The following ACBD6 variants were observed in gnomAD, a reference collection of about 807,000 sequenced individuals.
ACBD6 encodes the protein acyl-CoA-binding domain-containing protein 6.
A neutral mutation model predicts 37.2 loss-of-function variants in ACBD6; 28 were observed. The observed-to-expected ratio is 0.75, with a 90% confidence interval of 0.56 to 1.03. ACBD6 has a LOEUF of 1.03. Among genes scored for constraint, ACBD6 ranks in the 50% least tolerant of loss-of-function variants. ACBD6 has a pLI of 0.00. For missense variants in ACBD6, 340 were observed against 337.4 expected (o/e 1.01, Z -0.06); for synonymous variants, 113 against 126.8 (o/e 0.89, Z 0.73).
Position 180,442,236 on chromosome 1 carries a change from G to A in ACBD6, c.385-11974C>T, listed in dbSNP as rs1373598654. 4.6e-5 allele frequency among the ~76,000 whole-genome samples: 7 copies of A among 150,910 alleles called. No homozygotes were observed. In the East Asian group the frequency reaches 1.4e-3, roughly 29 times the overall value. The stretch of plus-strand genomic sequence containing the variant: ...TTTCATTACATTTCTTCCGCATGGG[G>A]TTCATTGAGCTTCTTGGATCTATGG... On this transcript the variant is annotated intron_variant, in intron 3 of 7. Transcript: ENST00000367595.
intron 2 of ACBD6, among the ~76,000 whole-genome samples, chr1:180,493,207 C>CA (rs751159576): frequency 7.4e-6 from 1 of 134,656 alleles, no homozygotes; most frequent in Non-Finnish European, 1.5e-5. Context: ...GAGATGGCAC[C>CA]ACCACACTCC....
chr1:180,417,664 T>C (rs968420648), intron 4 of ACBD6, among the ~76,000 whole-genome samples: 1 of 152,196 alleles, frequency 6.6e-6, no homozygotes, highest in Non-Finnish European at 1.5e-5. Context: ...AATTTTATTA[T>C]TCCTACTCTG....
At chr1:180,349,857 T>A (rs1652337882) in intron 6 of ACBD6, among the ~76,000 whole-genome samples, 1 of 152,132 alleles carries the variant, frequency 6.6e-6, no homozygotes, top group African/African-American at 2.4e-5. Flanking sequence ...AAACTGATTT[T>A]TTTCTCAAGT....
chr1:180,366,797 A>G (rs537238636), intron 6 of ACBD6, among the ~76,000 whole-genome samples: 1 of 152,350 alleles, frequency 6.6e-6, no homozygotes, highest in Non-Finnish European at 1.5e-5. Context: ...TATATATAAT[A>G]TAGAAGATAT....
In ACBD6 at chr1:180,409,784, T is replaced by C. The variant is rs80052787; in HGVS notation, c.573+3582A>G. 6.7e-3 allele frequency among the ~76,000 whole-genome samples: 1,014 copies of C among 152,258 alleles called. 17 individuals are homozygous for C. Among genetic ancestry groups the C allele is most frequent in the African/African-American group, 0.023 (967 of 41,554 alleles). ...TTGAAATTATTAGCCAGTAATACAA[T>C]AGTCTCTAAGTTTCAAGTAAAACCT... On this transcript the variant is annotated intron_variant, in intron 5 of 7. Coordinates refer to ENST00000367595, the MANE Select transcript of ACBD6 (RefSeq NM_032360.4).
chr1:180,331,987 A>C (rs540323005), intron 6 of ACBD6, among the ~76,000 whole-genome samples: 6 of 152,294 alleles, frequency 3.9e-5, no homozygotes, highest in Admixed American at 1.3e-4. Context: ...ACCTGTTATG[A>C]GTTTAATTGT....
chr1:180,273,041 G>T (rs1648786148), intron 12 of ACBD6: 1 of 151,724 alleles, frequency 6.6e-6, no homozygotes, highest in Admixed American at 6.6e-5. Context: ...CCTTTAAAGA[G>T]CATGAGCTCC....
chr1:180,468,941 C>A (rs948250772), intron 3 of ACBD6, among the ~76,000 whole-genome samples: 5 of 152,140 alleles, frequency 3.3e-5, no homozygotes, highest in African/African-American at 1.2e-4. Context: ...CAACTTGTGG[C>A]TAGAATGCTT....
chr1:180,492,807 A>C (rs1369532037), intron 2 of ACBD6, among the ~76,000 whole-genome samples: 1 of 152,238 alleles, frequency 6.6e-6, no homozygotes, highest in African/African-American at 2.4e-5. Context: ...CATAAAAAAC[A>C]ATATTCCCAA....
intron 3 of ACBD6, among the ~76,000 whole-genome samples, chr1:180,487,602 G>A (rs1371141173): frequency 6.6e-6 from 1 of 152,026 alleles, no homozygotes; most frequent in Non-Finnish European, 1.5e-5. Context: ...TGGCCCCAAA[G>A]TACAAGAGTT....
intron 3 of ACBD6, among the ~76,000 whole-genome samples, chr1:180,457,937 C>G (rs1448171018): frequency 6.6e-6 from 1 of 151,788 alleles, no homozygotes; most frequent in East Asian, 1.9e-4. Flanking sequence ...GGATTACAGG[C>G]GCCCACCACC....
At chr1:180,452,860 T>A (rs566100883) in intron 3 of ACBD6, among the ~76,000 whole-genome samples, 3 of 152,160 alleles carry the variant, frequency 2.0e-5, no homozygotes, top group African/African-American at 7.2e-5. Flanking sequence ...CAAGACTAAA[T>A]CAGGAAGAAG....
At chr1:180,492,162 G>T in intron 3 of ACBD6, 107 bp downstream of exon 3, 1 of 814,558 alleles carries the variant, frequency 1.2e-6, no homozygotes, top group African/African-American at 1.7e-5. Flanking sequence ...TTTCAAGAAA[G>T]TAAAACTTTA....
downstream of ACBD6, among the ~76,000 whole-genome samples, chr1:180,286,466 T>G (rs191397621): frequency 6.6e-6 from 1 of 152,358 alleles, no homozygotes; most frequent in Admixed American, 6.5e-5. Flanking sequence ...GTTTTTGATT[T>G]GCTAATGTCT....
chr1:180,467,467 A>AC (rs1354536077), intron 3 of ACBD6, among the ~76,000 whole-genome samples: 3 of 149,682 alleles, frequency 2.0e-5, no homozygotes, highest in Non-Finnish European at 3.0e-5. Flanking sequence ...AAAAAAAAAA[A>AC]AAAAACAAAA....
At chr1:180,469,133 A>G (rs902156865) in intron 3 of ACBD6, among the ~76,000 whole-genome samples, 7 of 152,188 alleles carry the variant, frequency 4.6e-5, no homozygotes, top group African/African-American at 4.8e-5. Context: ...CAAATCTGTA[A>G]TAGCATCTTC....
chr1:180,373,083 GATC>G (rs1653319535), intron 6 of ACBD6, among the ~76,000 whole-genome samples: 1 of 152,054 alleles, frequency 6.6e-6, no homozygotes, highest in Non-Finnish European at 1.5e-5. Context: ...GCTCCTCATG[GATC>G]ATGTTATTTT....
intron 3 of ACBD6, among the ~76,000 whole-genome samples, chr1:180,456,336 A>T (rs1649922863): frequency 6.6e-6 from 1 of 152,200 alleles, no homozygotes; most frequent in South Asian, 2.1e-4. Context: ...ATATCAAGGA[A>T]CGGCACAAGT....
intron 2 of ACBD6, among the ~76,000 whole-genome samples, chr1:180,493,386 C>G (rs542436862): frequency 6.6e-6 from 1 of 151,978 alleles, no homozygotes; most frequent in African/African-American, 2.4e-5. Flanking sequence ...CATCTACCCC[C>G]CTGCCCCCAC....
Sources: gnomAD v4.1 joint callset for allele counts (sites outside exome capture counted in the v4.1 genomes callset) on GRCh38, gnomAD v4.1.1 for gene constraint, MANE v1.5 for transcripts, NCBI Gene and HGNC (gene_info 2026-07-23, HGNC 2026-07-21) for gene names.